Variants in LRP1B observed in about 807,000 individuals in gnomAD.
The protein encoded by LRP1B is low-density lipoprotein receptor-related protein 1B.
A neutral mutation model predicts 556.6 loss-of-function variants in LRP1B; 217 were observed. The observed-to-expected ratio is 0.39, with a 90% confidence interval of 0.35 to 0.44. The LOEUF is 0.44. Among genes scored for constraint, LRP1B ranks in the 20% least tolerant of loss-of-function variants. The pLI, the probability that LRP1B is intolerant of heterozygous loss-of-function variation, is 1.00. For missense variants in LRP1B, 5,053 were observed against 5,620.8 expected, an observed-to-expected ratio of 0.90 and a Z score of 3.23; for synonymous variants, 2,047 against 1,865.8, an observed-to-expected ratio of 1.10 and a Z score of -2.50.
At chr2:141,873,629 G>A (rs1168150073) in intron 1 of LRP1B, among the ~76,000 whole-genome samples, 1 of 151,860 alleles carries the variant, frequency 6.6e-6, no homozygotes, top group Non-Finnish European at 1.5e-5. Context: ...TACTATAATA[G>A]CAAGAAGCAC....
At chr2:140,520,798 G>GAAAAAAA (rs757383865) in intron 49 of LRP1B, among the ~76,000 whole-genome samples, 72 of 86,442 alleles carry the variant, frequency 8.3e-4, no homozygotes, top group South Asian at 2.6e-3. Flanking sequence ...TAAGAAAACA[G>GAAAAAAA]AAAAAAAAAA....
intron 21 of LRP1B, 121 bp from the exon 22 acceptor site, chr2:140,908,198 T>A: frequency 1.4e-6 from 1 of 699,262 alleles, no homozygotes; most frequent in Non-Finnish European, 2.4e-6. Context: ...GAAAACAAAA[T>A]CTATTTGCTT....
chr2:140,443,019 A>G (rs972296700), intron 65 of LRP1B, among the ~76,000 whole-genome samples: 2 of 152,186 alleles, frequency 1.3e-5, no homozygotes, highest in Non-Finnish European at 2.9e-5. Flanking sequence ...TTAAGTGAAT[A>G]AGGAAATAAA....
intron 1 of LRP1B, among the ~76,000 whole-genome samples, chr2:141,909,238 T>G (rs968520790): frequency 6.6e-6 from 1 of 152,106 alleles, no homozygotes; most frequent in Non-Finnish European, 1.5e-5. Context: ...TGCTTAAAGT[T>G]GAGCCTGGAC....
chr2:141,063,894 A>G (rs1177101339), intron 7 of LRP1B, among the ~76,000 whole-genome samples: 1 of 151,846 alleles, frequency 6.6e-6, no homozygotes, highest in Admixed American at 6.6e-5. Flanking sequence ...GGAGAAATGA[A>G]GGTTCTGGCT....
At chr2:140,372,932 T>C (rs77729177) in intron 69 of LRP1B, 76 bp downstream of exon 69, 215,383 of 1,494,752 alleles carry the variant, frequency 0.14, 17,508 homozygotes, top group Non-Finnish European at 0.17. Context: ...CACTGTTTTC[T>C]GCATATTGCT....
chr2:141,670,997 G>A (rs1486084697), intron 2 of LRP1B, among the ~76,000 whole-genome samples: 1 of 152,154 alleles, frequency 6.6e-6, no homozygotes, highest in Non-Finnish European at 1.5e-5. Context: ...ATGTGCTGTG[G>A]TTAGTTCAGC....
chr2:141,667,292 C>A (rs1690479873), intron 2 of LRP1B, among the ~76,000 whole-genome samples: 1 of 152,128 alleles, frequency 6.6e-6, no homozygotes, highest in African/African-American at 2.4e-5. Flanking sequence ...CTTCAAATTT[C>A]AATTAGGATT....
At chr2:141,908,596 ATATCT>A (rs1210437006) in intron 1 of LRP1B, among the ~76,000 whole-genome samples, 2 of 152,108 alleles carry the variant, frequency 1.3e-5, no homozygotes, top group African/African-American at 4.8e-5. Context: ...TTTGCTTTTA[ATATCT>A]TATAATTTTA....
chr2:140,720,714 A>G (rs1040639703), intron 35 of LRP1B, among the ~76,000 whole-genome samples: 3 of 152,112 alleles, frequency 2.0e-5, no homozygotes, highest in Admixed American at 6.6e-5. Flanking sequence ...ACACTTGTTG[A>G]CCACCTTCTG....
intron 41 of LRP1B, among the ~76,000 whole-genome samples, chr2:140,641,437 G>A (rs1403676757): frequency 6.6e-6 from 1 of 152,190 alleles, no homozygotes; most frequent in African/African-American, 2.4e-5. Context: ...CAAGGGATAA[G>A]CTTACTGAAA....
In LRP1B at chr2:140,392,414, C is replaced by T. The variant is rs148115593; in HGVS notation, c.10415-6405G>A. 4.1e-3 allele frequency among the ~76,000 whole-genome samples: 619 copies of T among 152,150 alleles called. 6 individuals carry two copies. The highest frequency in any genetic ancestry group is 0.014 in the African/African-American group (599 of 41,526). ...TGCATATCTGATTGCTTTCTCTGCC[C>T]TATTGTTTATGTAAAAATGCAGATT... On this transcript the variant is annotated intron_variant, in intron 66 of 90. Coordinates refer to ENST00000389484, the MANE Select transcript of LRP1B (RefSeq NM_018557.3).
At chr2:140,445,282 A>G (rs1428139107) in intron 63 of LRP1B, among the ~76,000 whole-genome samples, 7 of 151,674 alleles carry the variant, frequency 4.6e-5, no homozygotes, top group East Asian at 1.9e-4. Flanking sequence ...CACCTGGCTA[A>G]TTTTTTGTAT....
chr2:140,423,068 C>T (rs974257848), intron 66 of LRP1B, among the ~76,000 whole-genome samples: 1 of 152,132 alleles, frequency 6.6e-6, no homozygotes, highest in Non-Finnish European at 1.5e-5. Context: ...TAAATTCCAG[C>T]TGTGAAAATT....
intron 41 of LRP1B, among the ~76,000 whole-genome samples, chr2:140,665,437 T>C (rs551348808): frequency 1.2e-4 from 19 of 152,298 alleles, no homozygotes; most frequent in African/African-American, 4.6e-4. Flanking sequence ...TAAACAACCA[T>C]AATATTTGTA....
At chr2:140,559,018 T>C (rs1680836034) in intron 43 of LRP1B, among the ~76,000 whole-genome samples, 1 of 151,654 alleles carries the variant, frequency 6.6e-6, no homozygotes, top group African/African-American at 2.4e-5. Flanking sequence ...TAGGCTACAA[T>C]ATCAAAAACA....
intron 7 of LRP1B, among the ~76,000 whole-genome samples, chr2:141,180,286 T>C (rs951550643): frequency 2.6e-4 from 39 of 151,706 alleles, no homozygotes; most frequent in Non-Finnish European, 3.5e-4. Flanking sequence ...ATGTTGTCCA[T>C]GTACAGTCCT....
chr2:141,189,970 G>T (rs939680752), intron 6 of LRP1B, among the ~76,000 whole-genome samples: 1 of 12,194 alleles, frequency 8.2e-5, no homozygotes, highest in African/African-American at 1.5e-4. Flanking sequence ...AAGAAAGAAA[G>T]AAAGCATCTG....
intron 3 of LRP1B, among the ~76,000 whole-genome samples, chr2:141,393,286 G>A (rs1311333679): frequency 6.6e-6 from 1 of 151,980 alleles, no homozygotes; most frequent in Non-Finnish European, 1.5e-5. Flanking sequence ...AGTTAATGAG[G>A]AGCTTATAAA....
Sources: gnomAD v4.1 joint callset for allele counts (sites outside exome capture counted in the v4.1 genomes callset) on GRCh38, gnomAD v4.1.1 for gene constraint, MANE v1.5 for transcripts, NCBI Gene and HGNC (gene_info 2026-07-23, HGNC 2026-07-21) for gene names.